Variants in RAD54L2 observed in about 807,000 individuals in gnomAD.
The protein encoded by RAD54L2 is helicase ARIP4.
A neutral mutation model predicts 138.4 loss-of-function variants in RAD54L2; 27 were observed. That is an observed-to-expected ratio of 0.20 (90% CI 0.14 to 0.27). RAD54L2 has a LOEUF of 0.27. Among genes scored for constraint, RAD54L2 ranks in the 10% least tolerant of loss-of-function variants. The pLI is 1.00. For missense variants in RAD54L2, 1,396 were observed against 1,890.2 expected, an observed-to-expected ratio of 0.74 and a Z score of 4.85; for synonymous variants, 644 against 723.2, an observed-to-expected ratio of 0.89 and a Z score of 1.76.
chr3:51,651,084 T>TA (rs1398091556), intron 19 of RAD54L2, among the ~76,000 whole-genome samples: 1 of 151,968 alleles, frequency 6.6e-6, no homozygotes, highest in African/African-American at 2.4e-5. Flanking sequence ...ATAGATGCAA[T>TA]AAAAAATGAT....
In RAD54L2 at chr3:51,633,907, T is replaced by A; in HGVS notation, c.1014T>A (p.Asn338Lys). ...TGGACTTGGCTTTCTAATAGGTTAA[T>A]ACTCTTCAGAATTGGCTGGCAGAGT... The part of the protein sequence containing the change: ...AKTVLAIVPV[N>K]TLQNWLAEFN... The change falls in exon 9 of 23, where the codon AAT becomes AAA. Residue 338 changes from asparagine to lysine, a missense_variant. By Grantham distance (94) the Asn-to-Lys change is moderately conservative. This residue lies in a region of RAD54L2 where 169 missense variants were observed against 235.6 expected (regional missense o/e 0.72). Coordinates refer to ENST00000684192, the MANE Select transcript of RAD54L2 (RefSeq NM_015106.4). The A allele has an allele frequency of 6.2e-7, 1 of 1,613,840 alleles. No homozygotes were observed. The highest frequency in any genetic ancestry group is 8.5e-7 in the Non-Finnish European group (1 of 1,179,804).
chr3:51,548,590 T>C (rs1365988882), intron 2 of RAD54L2, among the ~76,000 whole-genome samples: 1 of 152,182 alleles, frequency 6.6e-6, no homozygotes, highest in African/African-American at 2.4e-5. Context: ...TGAAGTGGCT[T>C]GCTTTCCAGT....
Position 51,600,860 on chromosome 3 carries a change from G to A in RAD54L2, c.139+10301G>A, listed in dbSNP as rs140049377. Among the ~76,000 whole-genome samples, 405 of 151,972 alleles carry A rather than the reference G, an allele frequency of 2.7e-3. 3 individuals carry two copies. The highest frequency in any genetic ancestry group is 9.1e-3 in the African/African-American group (376 of 41,462). On this transcript the variant is annotated intron_variant, in intron 3 of 22. Transcript: ENST00000684192. ...CATGCACCTGTAATCCCAGCAATTCGGGTGGCTGGGACAGGAGAATCGCTT... is the reference window on the plus strand; with the variant it reads ...CATGCACCTGTAATCCCAGCAATTCAGGTGGCTGGGACAGGAGAATCGCTT...
At chr3:51,574,392 C>G (rs1051575928) in intron 2 of RAD54L2, among the ~76,000 whole-genome samples, 5 of 152,186 alleles carry the variant, frequency 3.3e-5, no homozygotes, top group African/African-American at 4.8e-5. Context: ...AATGGTATTT[C>G]TAGTTCTAGA....
chr3:51,641,056 G>GCC (rs1345164206), intron 14 of RAD54L2, among the ~76,000 whole-genome samples: 2 of 152,060 alleles, frequency 1.3e-5, no homozygotes, highest in African/African-American at 4.8e-5. Flanking sequence ...AGGCTGGAGT[G>GCC]CAGTGGTGTG....
At position 51,635,739 on chromosome 3, in the gene RAD54L2, C is replaced by G; in HGVS notation, c.1289C>G (p.Pro430Arg). Residue 430 changes from proline (P) to arginine (R), a missense_variant, in exon 10 of 23, where the codon CCA becomes CGA. Around this residue, in one of 7 missense-constraint regions of RAD54L2, gnomAD observed 169 missense variants for 235.6 expected, o/e 0.72. Coordinates refer to ENST00000684192, the MANE Select transcript of RAD54L2 (RefSeq NM_015106.4). Reference protein sequence around the residue: ...RPKKTKKRSHPVIIDLDEEDR... With the variant: ...RPKKTKKRSHRVIIDLDEEDR... The stretch of plus-strand genomic sequence containing the variant: ...AAGAAAACCAAGAAGCGTTCTCACC[C>G]AGTCATCATTGATCTAGATGAGGAA... The G allele has an allele frequency of 6.2e-7, 1 of 1,613,664 alleles. No individual in the cohort carries two copies. Among genetic ancestry groups the G allele is most frequent in the Non-Finnish European group, 8.5e-7 (1 of 1,179,776 alleles).
intron 3 of RAD54L2, among the ~76,000 whole-genome samples, chr3:51,592,061 T>G (rs866863445): frequency 1.9e-3 from 237 of 122,046 alleles, no homozygotes; most frequent in African/African-American, 7.5e-3. Flanking sequence ...GGTGTTTTTT[T>G]TTTTTTTTTT....
intron 2 of RAD54L2, among the ~76,000 whole-genome samples, chr3:51,567,470 C>T (rs12486568): frequency 0.068 from 10,299 of 151,976 alleles, 906 homozygotes; most frequent in East Asian, 0.33. Context: ...TTTGTTTTTG[C>T]AGATAATAAT....
intron 3 of RAD54L2, among the ~76,000 whole-genome samples, chr3:51,621,396 C>T (rs1240200834): frequency 6.6e-6 from 1 of 152,164 alleles, no homozygotes; most frequent in Non-Finnish European, 1.5e-5. Context: ...ATTGTTACTG[C>T]ACTTGGCCAC....
At chr3:51,567,370 G>A (rs1296851659) in intron 2 of RAD54L2, among the ~76,000 whole-genome samples, 2 of 152,118 alleles carry the variant, frequency 1.3e-5, no homozygotes, top group African/African-American at 4.8e-5. Flanking sequence ...CTCGTTAGAT[G>A]TACCTTTTTC....
At chr3:51,661,271 T>C (rs1481982444) in intron 22 of RAD54L2, among the ~76,000 whole-genome samples, 4 of 152,252 alleles carry the variant, frequency 2.6e-5, no homozygotes, top group Non-Finnish European at 5.9e-5. Flanking sequence ...CAATTTTCTT[T>C]GTTTTTTTAA....
In RAD54L2 at chr3:51,646,387, A is replaced by C; in HGVS notation, c.2932A>C (p.Thr978Pro). Residue 978 changes from threonine to proline, a missense_variant, in exon 19 of 23, where the codon ACA becomes CCA. Around this residue, in one of 7 missense-constraint regions of RAD54L2, gnomAD observed 634 missense variants for 711.2 expected, o/e 0.89. Coordinates refer to ENST00000684192, the MANE Select transcript of RAD54L2 (RefSeq NM_015106.4). ...GAAAAGCTATGAGGAAGACAAACGCACATCAGTCCCCTATACCCGCCCATC... is the reference window on the plus strand; with the variant it reads ...GAAAAGCTATGAGGAAGACAAACGCCCATCAGTCCCCTATACCCGCCCATC... ...AKKSYEEDKRTSVPYTRPSYA... is the reference protein window; with the variant it reads ...AKKSYEEDKRPSVPYTRPSYA... 1.2e-6 allele frequency: 2 copies of C among 1,613,852 alleles called. No homozygotes were observed. Among genetic ancestry groups the C allele is most frequent in the Non-Finnish European group, 1.7e-6 (2 of 1,179,830 alleles).
At chr3:51,575,746 G>T (rs1215569533) in intron 2 of RAD54L2, among the ~76,000 whole-genome samples, 1 of 152,102 alleles carries the variant, frequency 6.6e-6, no homozygotes, top group African/African-American at 2.4e-5. Context: ...GGAGATTTTG[G>T]GCTGAGACAA....
At chr3:51,568,251 C>T (rs1322997359) in intron 2 of RAD54L2, among the ~76,000 whole-genome samples, 1 of 152,148 alleles carries the variant, frequency 6.6e-6, no homozygotes, top group Non-Finnish European at 1.5e-5. Context: ...TTGCACTCCT[C>T]ATTCTTGTAT....
At chr3:51,575,590 A>G (rs536969876) in intron 2 of RAD54L2, among the ~76,000 whole-genome samples, 22 of 152,046 alleles carry the variant, frequency 1.4e-4, no homozygotes, top group African/African-American at 4.1e-4. Context: ...ATTCCTAGGT[A>G]TTTTATTCCC....
chr3:51,563,691 T>G lies in RAD54L2; in HGVS notation c.-55+22041T>G, dbSNP rs182320161. Reference sequence around the variant, plus strand: ...TCATTTTGCTGAGAAGGGTTTATTTTTTATTTATTTTTTTCTGTGTTTAAG... The same window carrying G: ...TCATTTTGCTGAGAAGGGTTTATTTGTTATTTATTTTTTTCTGTGTTTAAG... On this transcript the variant is annotated intron_variant, in intron 2 of 22. Coordinates refer to ENST00000684192, the MANE Select transcript of RAD54L2 (RefSeq NM_015106.4). Among the ~76,000 whole-genome samples, 102 of 152,346 alleles carry G rather than the reference T, an allele frequency of 6.7e-4. 1 individual carries two copies. In the Middle Eastern group the frequency reaches 0.01, roughly 15 times the overall value.
chr3:51,654,813 A>G (rs1368275021), intron 19 of RAD54L2, among the ~76,000 whole-genome samples: 1 of 152,224 alleles, frequency 6.6e-6, no homozygotes, highest in Non-Finnish European at 1.5e-5. Context: ...AACTTCTCAC[A>G]GCATTTGATG....
chr3:51,642,404 G>A (rs1004567013), intron 15 of RAD54L2, among the ~76,000 whole-genome samples: 17 of 150,154 alleles, frequency 1.1e-4, no homozygotes, highest in Non-Finnish European at 2.1e-4. Flanking sequence ...CATACAGTAC[G>A]TAAACAGATA....
At chr3:51,619,015 T>C (rs1304575119) in intron 3 of RAD54L2, among the ~76,000 whole-genome samples, 1 of 152,202 alleles carries the variant, frequency 6.6e-6, no homozygotes, top group Non-Finnish European at 1.5e-5. Flanking sequence ...TCAGGAGGCC[T>C]CTTGTCTGTT....
Sources: allele counts gnomAD v4.1 joint callset (sites outside exome capture counted in the v4.1 genomes callset), GRCh38; gene constraint gnomAD v4.1.1; regional missense constraint gnomAD v4.1.1; transcripts MANE v1.5; gene names NCBI Gene and HGNC (gene_info 2026-07-23, HGNC 2026-07-21).